CREBBP: variants seen among roughly 807,000 people sequenced by gnomAD.
CREBBP encodes CREB-binding protein.
CREBBP carries 19 observed loss-of-function variants against 265.0 expected under a neutral mutation model. That is an observed-to-expected ratio of 0.07 (90% confidence interval 0.05 to 0.11). The LOEUF is 0.11. Ranked by LOEUF, CREBBP falls within the 10% of genes least tolerant of loss-of-function variation. The pLI is 1.00. For missense variants in CREBBP, 2,525 were observed against 3,219.0 expected, an observed-to-expected ratio of 0.78 and a Z score of 5.22; for synonymous variants, 1,457 against 1,223.7, an observed-to-expected ratio of 1.19 and a Z score of -3.98.
At chr16:3,809,198 G>C (rs1237897237) in intron 3 of CREBBP, among the ~76,000 whole-genome samples, 1 of 148,684 alleles carries the variant, frequency 6.7e-6, no homozygotes, top group South Asian at 2.1e-4. Flanking sequence ...TTTTTTTTGA[G>C]ACAGAGTCTT....
intron 14 of CREBBP, 47 bp from the exon 15 acceptor site, chr16:3,769,400 A>C: frequency 6.2e-7 from 1 of 1,607,230 alleles, no homozygotes; most frequent in Non-Finnish European, 8.5e-7. Flanking sequence ...AGGTAACATA[A>C]ATGATCTTCA....
At position 3,731,573 on chromosome 16, in the gene CREBBP, T is replaced by C; in HGVS notation, c.4891-100A>G. On this transcript the variant is annotated intron_variant, in intron 29 of 30. Coordinates refer to ENST00000262367, the MANE Select transcript of CREBBP (RefSeq NM_004380.3). The surrounding 1 kb of genome is among the most constrained non-coding windows in gnomAD (Gnocchi z 7.7). Reference sequence around the variant, plus strand: ...CCACCCAGCCTGCAGAATAGGCAGGTGGCTGAGCCTGATGGCCCTGATGCC... The same window carrying C: ...CCACCCAGCCTGCAGAATAGGCAGGCGGCTGAGCCTGATGGCCCTGATGCC... The C allele has an allele frequency of 5.5e-6, 8 of 1,463,580 alleles. No individual in the cohort carries two copies. Among genetic ancestry groups the C allele is most frequent in the Admixed American group, 1.9e-5 (1 of 51,760 alleles). 90.7% of individuals were successfully genotyped at this position (1,463,580 alleles called of 1,614,324 possible). A position where few individuals can be genotyped will look rare whatever the true frequency, so the allele number is the denominator to read the frequency against.
chr16:3,805,529 G>A (rs2053811502), intron 3 of CREBBP, among the ~76,000 whole-genome samples: 1 of 152,196 alleles, frequency 6.6e-6, no homozygotes, highest in Admixed American at 6.5e-5. Flanking sequence ...AAAACTAAGA[G>A]GAGCTCATCA....
At chr16:3,751,647 TTA>T in intron 20 of CREBBP, 77 bp downstream of exon 20, 1 of 1,405,472 alleles carries the variant, frequency 7.1e-7, no homozygotes, top group Non-Finnish European at 1.0e-6. Context: ...GGTACCTTCC[TTA>T]TAGTCATTGG....
At chr16:3,857,244 C>T (rs1305426753) in intron 1 of CREBBP, among the ~76,000 whole-genome samples, 1 of 152,078 alleles carries the variant, frequency 6.6e-6, no homozygotes, top group Non-Finnish European at 1.5e-5. Flanking sequence ...ACACTCTGAC[C>T]ACCGTGACCA....
chr16:3,748,110 T>C (rs897910394), intron 21 of CREBBP, among the ~76,000 whole-genome samples: 2 of 150,004 alleles, frequency 1.3e-5, no homozygotes, highest in African/African-American at 4.9e-5. Context: ...AATAAATACA[T>C]ACATACATAC....
chr16:3,814,541 G>A (rs1042497743), intron 2 of CREBBP, among the ~76,000 whole-genome samples: 1 of 152,080 alleles, frequency 6.6e-6, no homozygotes, highest in African/African-American at 2.4e-5. Context: ...ACAGGTATAA[G>A]CCACCACGCC....
chr16:3,734,519 G>T (rs572837790), intron 28 of CREBBP, among the ~76,000 whole-genome samples: 2 of 152,158 alleles, frequency 1.3e-5, no homozygotes, highest in Non-Finnish European at 2.9e-5. Context: ...ACTCAGCTGC[G>T]CAAAGCCTGT....
chr16:3,835,944 C>A (rs2054440095), intron 2 of CREBBP, among the ~76,000 whole-genome samples: 1 of 151,868 alleles, frequency 6.6e-6, no homozygotes, highest in Non-Finnish European at 1.5e-5. Flanking sequence ...GGAGAACGGA[C>A]AAGCAAATTA....
At chr16:3,746,704 G>C (rs937416428) in intron 21 of CREBBP, among the ~76,000 whole-genome samples, 1 of 152,160 alleles carries the variant, frequency 6.6e-6, no homozygotes, top group Non-Finnish European at 1.5e-5. Flanking sequence ...CCTAGCATGT[G>C]GAGAGGCTGG....
intron 5 of CREBBP, among the ~76,000 whole-genome samples, chr16:3,789,203 T>C (rs891106729): frequency 6.6e-6 from 1 of 152,096 alleles, no homozygotes; most frequent in African/African-American, 2.4e-5. Context: ...TAAGGCAGTC[T>C]CCACAGAGCG....
chr16:3,834,331 T>C (rs551714316), intron 2 of CREBBP, among the ~76,000 whole-genome samples: 6 of 152,304 alleles, frequency 3.9e-5, no homozygotes, highest in African/African-American at 1.4e-4. Flanking sequence ...TTATTCATAA[T>C]TGCCAAAACT....
Position 3,725,920 on chromosome 16 carries a change from G to A in CREBBP, c.*1798C>T. On this transcript the variant is annotated 3_prime_UTR_variant, in exon 31 of 31. Transcript: ENST00000262367. ...GCTGGGGGTGGTAGACTTAGGGGAT[G>A]AACTTCAGCTCCCCTGCCCATGGTC... The A allele has an allele frequency of 4.3e-6, 1 of 233,124 alleles. No homozygotes were observed. Among genetic ancestry groups the A allele is most frequent in the Non-Finnish European group, 8.5e-6 (1 of 117,994 alleles). The allele number at this position is 233,124 out of a possible 1,614,324, so 14.4% of individuals were successfully genotyped here.
chr16:3,838,027 A>G (rs1199727378), intron 2 of CREBBP, among the ~76,000 whole-genome samples: 3 of 152,102 alleles, frequency 2.0e-5, no homozygotes, highest in Non-Finnish European at 4.4e-5. Flanking sequence ...CACACACACC[A>G]GGATCTATGC....
intron 1 of CREBBP, among the ~76,000 whole-genome samples, chr16:3,852,853 A>G (rs2054881177): frequency 6.6e-6 from 1 of 152,026 alleles, no homozygotes; most frequent in Non-Finnish European, 1.5e-5. Flanking sequence ...TACACATGTC[A>G]TCTCTACCCT....
chr16:3,740,905 G>A (rs1269677498), intron 23 of CREBBP: 1 of 369,988 alleles, frequency 2.7e-6, no homozygotes, highest in African/African-American at 2.1e-5. Flanking sequence ...CTGGAGGGCA[G>A]AGATGGCACA....
intron 3 of CREBBP, 54 bp downstream of exon 3, chr16:3,810,549 C>A: frequency 6.3e-7 from 1 of 1,596,436 alleles, no homozygotes; most frequent in Non-Finnish European, 8.6e-7. Context: ...TAAAAATCCA[C>A]AGACCACAGC....
intron 16 of CREBBP, among the ~76,000 whole-genome samples, chr16:3,762,446 C>T (rs891254646): frequency 2.1e-5 from 3 of 143,382 alleles, no homozygotes; most frequent in East Asian, 2.0e-4. Context: ...CCCCAAAGTG[C>T]TGGGATTACA....
intron 11 of CREBBP, among the ~76,000 whole-genome samples, chr16:3,775,960 A>T (rs1008069739): frequency 1.3e-5 from 2 of 151,442 alleles, no homozygotes; most frequent in African/African-American, 4.9e-5. Flanking sequence ...CTTGTTGCCC[A>T]GGCTGGAGTG....
Sources: gnomAD v4.1 joint callset for allele counts (sites outside exome capture counted in the v4.1 genomes callset) on GRCh38, gnomAD v4.1.1 for gene constraint, Gnocchi (gnomAD v3.1) non-coding constraint, MANE v1.5 for transcripts, NCBI Gene and HGNC (gene_info 2026-07-23, HGNC 2026-07-21) for gene names.